ADCY2: variants seen among roughly 807,000 people sequenced by gnomAD.
The protein encoded by ADCY2 is adenylate cyclase 2, also known as adenylate cyclase type 2.
Under a neutral mutation model 125.2 loss-of-function variants are expected in ADCY2, and 31 were observed. The observed-to-expected ratio is 0.25, with a 90% CI of 0.19 to 0.33. The LOEUF (loss-of-function observed/expected upper bound fraction) is 0.33. Among genes scored for constraint, ADCY2 ranks in the 10% least tolerant of loss-of-function variants. The probability of loss-of-function intolerance (pLI) is 1.00; values close to 1 mark genes in which losing one functional copy is unlikely to be tolerated. For synonymous variants in ADCY2, 512 were observed against 548.4 expected, an observed-to-expected ratio of 0.93 and a Z score of 0.93; for missense variants, 904 against 1,418.2, an observed-to-expected ratio of 0.64 and a Z score of 5.82.
chr5:7,632,445 A>G (rs909074687), intron 4 of ADCY2, among the ~76,000 whole-genome samples: 2 of 152,094 alleles, frequency 1.3e-5, no homozygotes, highest in African/African-American at 2.4e-5. Flanking sequence ...AATGATTAGT[A>G]TATACTTTTC....
At chr5:7,650,493 A>G (rs1045003598) in intron 4 of ADCY2, among the ~76,000 whole-genome samples, 6 of 152,128 alleles carry the variant, frequency 3.9e-5, no homozygotes, top group African/African-American at 1.4e-4. Context: ...TACGAACTAT[A>G]TAAGTGGAAT....
At chr5:7,482,006 G>T (rs1445301462) in intron 2 of ADCY2, among the ~76,000 whole-genome samples, 1 of 152,150 alleles carries the variant, frequency 6.6e-6, no homozygotes, top group Non-Finnish European at 1.5e-5. Context: ...GTTAGTTTGA[G>T]ATGAAGTTCT....
At chr5:7,581,565 A>G (rs1179359972) in intron 3 of ADCY2, among the ~76,000 whole-genome samples, 1 of 152,088 alleles carries the variant, frequency 6.6e-6, no homozygotes, top group African/African-American at 2.4e-5. Context: ...CACACCTGTA[A>G]TCCTAGCACT....
At chr5:7,679,163 G>C (rs965838909) in intron 4 of ADCY2, among the ~76,000 whole-genome samples, 4 of 152,200 alleles carry the variant, frequency 2.6e-5, no homozygotes, top group Non-Finnish European at 5.9e-5. Flanking sequence ...GGTGGGGAGG[G>C]CATCCTTAGG....
chr5:7,487,181 G>A (rs1216776023), intron 2 of ADCY2, among the ~76,000 whole-genome samples: 2 of 152,312 alleles, frequency 1.3e-5, no homozygotes, highest in East Asian at 3.9e-4. Flanking sequence ...CACCCATGCT[G>A]GATCTCTGGA....
chr5:7,805,161 C>CAAAAA (rs35073546), intron 22 of ADCY2, among the ~76,000 whole-genome samples: 1 of 141,630 alleles, frequency 7.1e-6, no homozygotes, highest in Admixed American at 7.1e-5. Flanking sequence ...ACCAAAAATA[C>CAAAAA]AAAAAAAAAA....
At chr5:7,700,063 TTC>T (rs1741029667) in intron 7 of ADCY2, among the ~76,000 whole-genome samples, 1 of 152,256 alleles carries the variant, frequency 6.6e-6, no homozygotes, top group Admixed American at 6.5e-5. Flanking sequence ...ATTCTGTGGC[TTC>T]ACACACATTG....
At chr5:7,495,559 C>T (rs1294000035) in intron 2 of ADCY2, among the ~76,000 whole-genome samples, 1 of 152,084 alleles carries the variant, frequency 6.6e-6, no homozygotes, top group East Asian at 1.9e-4. Flanking sequence ...ACAAAATGAC[C>T]TAAAATGAGT....
chr5:7,775,678 AC>A (rs527504724), intron 18 of ADCY2, among the ~76,000 whole-genome samples: 2 of 152,250 alleles, frequency 1.3e-5, no homozygotes, highest in South Asian at 4.1e-4. Flanking sequence ...GGCATAAGCC[AC>A]CGCACCCAGA....
intron 4 of ADCY2, chr5:7,685,367 A>C (rs542060932): frequency 1.3e-5 from 2 of 152,172 alleles, no homozygotes; most frequent in African/African-American, 4.8e-5. Flanking sequence ...AGCCCAACAG[A>C]CCTATTGTCC....
At chr5:7,725,497 T>C (rs534145392) in intron 13 of ADCY2, among the ~76,000 whole-genome samples, 2 of 152,196 alleles carry the variant, frequency 1.3e-5, no homozygotes, top group Non-Finnish European at 1.5e-5. Context: ...AGAGGATCTG[T>C]TGTCTACTGC....
intron 4 of ADCY2, among the ~76,000 whole-genome samples, chr5:7,632,221 A>G (rs1294314494): frequency 1.3e-5 from 2 of 152,192 alleles, no homozygotes; most frequent in African/African-American, 2.4e-5. Context: ...TGCGGCAGGT[A>G]CAGTTTGGCT....
chr5:7,686,207 T>C (rs550519561), intron 4 of ADCY2, among the ~76,000 whole-genome samples: 98 of 152,296 alleles, frequency 6.4e-4, no homozygotes, highest in African/African-American at 2.1e-3. Flanking sequence ...TTTGCTTCAA[T>C]TGGATTTTCC....
chr5:7,555,109 CTGTTT>C (rs1735462865), intron 3 of ADCY2, among the ~76,000 whole-genome samples: 3 of 152,154 alleles, frequency 2.0e-5, no homozygotes, highest in Admixed American at 1.3e-4. Context: ...TATATTTGAA[CTGTTT>C]TAAGATACAT....
At chr5:7,532,095 A>G (rs1734668977) in intron 3 of ADCY2, among the ~76,000 whole-genome samples, 1 of 152,228 alleles carries the variant, frequency 6.6e-6, no homozygotes, top group Non-Finnish European at 1.5e-5. Flanking sequence ...AAGCAAAACT[A>G]CAAAAATTCA....
intron 3 of ADCY2, among the ~76,000 whole-genome samples, chr5:7,522,897 G>A (rs1346310759): frequency 6.7e-6 from 1 of 150,242 alleles, no homozygotes; most frequent in South Asian, 2.1e-4. Context: ...CTGCACTCCA[G>A]CCTGGGCGAC....
At chr5:7,695,627 C>G in intron 5 of ADCY2, 125 bp from the exon 6 acceptor site, 1 of 484,196 alleles carries the variant, frequency 2.1e-6, no homozygotes, top group Non-Finnish European at 3.6e-6. Context: ...AGAAAATGAC[C>G]TCTTACTCAT....
At chr5:7,751,927 A>G (rs1341208133) in intron 15 of ADCY2, among the ~76,000 whole-genome samples, 1 of 152,186 alleles carries the variant, frequency 6.6e-6, no homozygotes, top group Non-Finnish European at 1.5e-5. Context: ...CATTAAAAAT[A>G]GTAAACAGAA....
intron 4 of ADCY2, among the ~76,000 whole-genome samples, chr5:7,651,759 A>G (rs1739098035): frequency 6.6e-6 from 1 of 152,136 alleles, no homozygotes. Flanking sequence ...TACCATGTCC[A>G]TTAATGAACA....
Sources: allele counts gnomAD v4.1 joint callset (sites outside exome capture counted in the v4.1 genomes callset), GRCh38; gene constraint gnomAD v4.1.1; transcripts MANE v1.5; gene names NCBI Gene and HGNC (gene_info 2026-07-23, HGNC 2026-07-21).